The following EPHA3 variants were observed in gnomAD, a reference collection of about 807,000 sequenced individuals.
EPHA3 encodes the protein ephrin type-A receptor 3.
Under a neutral mutation model 107.1 loss-of-function variants are expected in EPHA3, and 42 were observed. The observed-to-expected ratio is 0.39, with a 90% CI of 0.31 to 0.51. The LOEUF (loss-of-function observed/expected upper bound fraction) is 0.51, where lower values mean the gene tolerates loss of function less well. Ranked by LOEUF, EPHA3 falls within the 20% of genes least tolerant of loss-of-function variation. The probability of loss-of-function intolerance (pLI) is 0.78; values close to 1 mark genes in which losing one functional copy is unlikely to be tolerated. For missense variants in EPHA3, 1,183 were observed against 1,211.2 expected (o/e 0.98, Z 0.35); for synonymous variants, 461 against 424.8 (o/e 1.09, Z -1.05).
chr3:89,363,123 T>A (rs1221705959), intron 5 of EPHA3, among the ~76,000 whole-genome samples: 3 of 150,962 alleles, frequency 2.0e-5, no homozygotes, highest in Non-Finnish European at 4.5e-5. Flanking sequence ...TCAATTATAT[T>A]AGTCCACATA....
chr3:89,387,962 G>T (rs1222078703), intron 5 of EPHA3, among the ~76,000 whole-genome samples: 2 of 152,122 alleles, frequency 1.3e-5, no homozygotes, highest in South Asian at 4.1e-4. Flanking sequence ...TAAATCTTGT[G>T]TATACTGTTA....
intron 3 of EPHA3, among the ~76,000 whole-genome samples, chr3:89,239,282 TA>T (rs1704839446): frequency 6.6e-6 from 1 of 152,172 alleles, no homozygotes; most frequent in Non-Finnish European, 1.5e-5. Context: ...TTCATGTAAA[TA>T]AAATGAGGAT....
At chr3:89,210,642 C>A in intron 3 of EPHA3, 122 bp downstream of exon 3, 1 of 1,010,796 alleles carries the variant, frequency 9.9e-7, no homozygotes, top group Non-Finnish European at 1.4e-6. Flanking sequence ...TCAAACTGAC[C>A]ATAGTCTATT....
At chr3:89,468,551 T>G (rs1372365432) in intron 15 of EPHA3, among the ~76,000 whole-genome samples, 2 of 152,200 alleles carry the variant, frequency 1.3e-5, no homozygotes, top group African/African-American at 2.4e-5. Flanking sequence ...TTACTATTCA[T>G]GGGACTAAAA....
In EPHA3 at chr3:89,426,342, A is replaced by G. The variant is rs139387586; in HGVS notation, c.2075-2764A>G. 4.9e-4 allele frequency among the ~76,000 whole-genome samples: 75 copies of G among 151,930 alleles called. No individual in the cohort carries two copies. The East Asian group carries it at 0.01, about 20-fold the overall frequency. Reference sequence around the variant, plus strand: ...CTCTTTTTCTTTAACCCTATTTACCATAATCAAAATCACAAGGGAAACCCT... The same window carrying G: ...CTCTTTTTCTTTAACCCTATTTACCGTAATCAAAATCACAAGGGAAACCCT... On this transcript the variant is annotated intron_variant, in intron 11 of 16. Coordinates refer to ENST00000336596, the MANE Select transcript of EPHA3 (RefSeq NM_005233.6).
At chr3:89,461,161 A>C (rs1157671759) in intron 15 of EPHA3, among the ~76,000 whole-genome samples, 13 of 95,450 alleles carry the variant, frequency 1.4e-4, no homozygotes, top group South Asian at 3.3e-4. Flanking sequence ...TGAACTCATC[A>C]TTTTTTATGG....
chr3:89,175,449 G>A (rs1387032899), intron 2 of EPHA3, among the ~76,000 whole-genome samples: 1 of 151,982 alleles, frequency 6.6e-6, no homozygotes, highest in Non-Finnish European at 1.5e-5. Flanking sequence ...TAAAGTCACT[G>A]GTCATTTATT....
chr3:89,191,220 T>G (rs1384075791), intron 2 of EPHA3, among the ~76,000 whole-genome samples: 4 of 152,142 alleles, frequency 2.6e-5, no homozygotes, highest in Non-Finnish European at 5.9e-5. Flanking sequence ...TGACCTTTAA[T>G]GCACTCTCCA....
chr3:89,436,813 C>T lies in EPHA3; in HGVS notation c.2346+5454C>T, dbSNP rs116376404. Among the ~76,000 whole-genome samples the T allele has an allele frequency of 9.7e-3, 1,478 of 152,226 alleles. 27 individuals are homozygous for T. The highest frequency in any genetic ancestry group is 0.034 in the African/African-American group (1,414 of 41,524). ...AAGCTTTCCTTCCTTATGTTCTCGA[C>T]AGCATGCCGGATATGAAAGGGTCAG... On this transcript the variant is annotated intron_variant, in intron 13 of 16. Transcript: ENST00000336596.
chr3:89,187,289 G>A (rs1705589706), intron 2 of EPHA3, among the ~76,000 whole-genome samples: 1 of 148,462 alleles, frequency 6.7e-6, no homozygotes, highest in African/African-American at 2.4e-5. Flanking sequence ...TTTAATATAT[G>A]AGTCTATACA....
At chr3:89,310,416 G>A (rs1333979899) in intron 3 of EPHA3, among the ~76,000 whole-genome samples, 1 of 151,790 alleles carries the variant, frequency 6.6e-6, no homozygotes, top group Non-Finnish European at 1.5e-5. Flanking sequence ...AATTTTTGGG[G>A]TATATCTTCT....
chr3:89,168,564 TAA>T (rs1367844750), intron 2 of EPHA3, among the ~76,000 whole-genome samples: 1 of 152,084 alleles, frequency 6.6e-6, no homozygotes, highest in Non-Finnish European at 1.5e-5. Flanking sequence ...TCATGGTAAT[TAA>T]GAGACTTCCT....
At chr3:89,442,242 C>G (rs1709800337) in intron 13 of EPHA3, among the ~76,000 whole-genome samples, 1 of 151,752 alleles carries the variant, frequency 6.6e-6, no homozygotes, top group Non-Finnish European at 1.5e-5. Context: ...CATCAAAACC[C>G]AAGTATTAGG....
chr3:89,239,431 CAATAATAAT>C (rs924211003), intron 3 of EPHA3, among the ~76,000 whole-genome samples: 1 of 151,720 alleles, frequency 6.6e-6, no homozygotes, highest in Non-Finnish European at 1.5e-5. Flanking sequence ...ATAATAATGA[CAATAATAAT>C]AATAATAATA....
intron 9 of EPHA3, among the ~76,000 whole-genome samples, chr3:89,412,506 A>C (rs184247875): frequency 6.6e-6 from 1 of 151,704 alleles, no homozygotes; most frequent in East Asian, 1.9e-4. Flanking sequence ...GTGTGTATAC[A>C]TGTATGTATT....
chr3:89,139,325 A>T (rs2107011610), intron 2 of EPHA3, among the ~76,000 whole-genome samples: 1 of 151,960 alleles, frequency 6.6e-6, no homozygotes, highest in African/African-American at 2.4e-5. Context: ...CTTCAATAGG[A>T]TTTAAATCTT....
chr3:89,207,257 T>C (rs1159600191), intron 2 of EPHA3, among the ~76,000 whole-genome samples: 5 of 152,164 alleles, frequency 3.3e-5, no homozygotes, highest in African/African-American at 1.2e-4. Flanking sequence ...TTTATTTTAT[T>C]TTGTGATTAG....
intron 3 of EPHA3, among the ~76,000 whole-genome samples, chr3:89,306,040 G>GTCA: frequency 1.3e-5 from 2 of 152,132 alleles, no homozygotes; most frequent in South Asian, 4.1e-4. Context: ...CATCGTCATT[G>GTCA]TCGTCATCAT....
chr3:89,359,263 ATAATAG>A (rs563493506), intron 5 of EPHA3, among the ~76,000 whole-genome samples: 3 of 151,024 alleles, frequency 2.0e-5, no homozygotes, highest in Non-Finnish European at 1.5e-5. Flanking sequence ...TGACACTAAC[ATAATAG>A]TAAGTCAGGT....
Sources: gnomAD v4.1 joint callset for allele counts (sites outside exome capture counted in the v4.1 genomes callset) on GRCh38, gnomAD v4.1.1 for gene constraint, MANE v1.5 for transcripts, NCBI Gene and HGNC (gene_info 2026-07-23, HGNC 2026-07-21) for gene names.